The following ABCA13 variants were observed in gnomAD, a reference collection of about 807,000 sequenced individuals.
The protein encoded by ABCA13 is ATP-binding cassette sub-family A member 13.
A neutral mutation model predicts 478.7 loss-of-function variants in ABCA13; 476 were observed. The observed-to-expected ratio is 0.99, with a 90% confidence interval of 0.92 to 1.07. The LOEUF is 1.07. Ranked by LOEUF, ABCA13 falls within the 50% of genes least tolerant of loss-of-function variation. ABCA13 has a pLI of 0.00. For missense variants in ABCA13, 6,060 were observed against 5,910.6 expected (o/e 1.03, Z -0.83); for synonymous variants, 2,252 against 2,158.9 (o/e 1.04, Z -1.20).
chr7:48,483,173 T>TA lies in ABCA13; in HGVS notation c.13182+10_13182+11insA. On this transcript the variant is annotated intron_variant, in intron 47 of 61. Coordinates refer to ENST00000435803, the MANE Select transcript of ABCA13 (RefSeq NM_152701.5). ...CCCAACTCTGGCAAAGGTAATCATATTTTTTTATTTTTTTCCTGTTTTAGA... is the reference window on the plus strand; with the variant it reads ...CCCAACTCTGGCAAAGGTAATCATATATTTTTTATTTTTTTCCTGTTTTAGA... The TA allele has an allele frequency of 4.5e-6, 7 of 1,556,164 alleles. No homozygotes were observed. The South Asian group carries it at 6.8e-5, about 15-fold the overall frequency.
chr7:48,581,888 A>G (rs1277586178), intron 56 of ABCA13, among the ~76,000 whole-genome samples: 1 of 152,132 alleles, frequency 6.6e-6, no homozygotes, highest in Non-Finnish European at 1.5e-5. Context: ...TTTCTTTTCT[A>G]TATATTTTGG....
intron 35 of ABCA13, among the ~76,000 whole-genome samples, chr7:48,386,739 G>A (rs771298847): frequency 2.0e-5 from 3 of 152,160 alleles, no homozygotes; most frequent in Non-Finnish European, 4.4e-5. Context: ...ATTAATTCAA[G>A]ATGGATTAAA....
At chr7:48,289,359 ATTTTTTT>A (rs767935565) in intron 20 of ABCA13, among the ~76,000 whole-genome samples, 3 of 139,654 alleles carry the variant, frequency 2.1e-5, no homozygotes, top group Admixed American at 1.4e-4. Context: ...CCCACAGACA[ATTTTTTT>A]TTTTTTTTTT....
chr7:48,472,885 T>C (rs1827661475), intron 45 of ABCA13, among the ~76,000 whole-genome samples: 1 of 152,148 alleles, frequency 6.6e-6, no homozygotes, highest in Non-Finnish European at 1.5e-5. Context: ...CCCTTTTTAT[T>C]AATCCATTTT....
Position 48,278,854 on chromosome 7 carries a change from T to A in ABCA13, c.7660T>A (p.Phe2554Ile), listed in dbSNP as rs1338965967. 1.2e-6 allele frequency: 2 copies of A among 1,613,508 alleles called. No individual in the cohort carries two copies. The highest frequency in any genetic ancestry group is 2.7e-5 in the African/African-American group (2 of 74,924). Reference sequence around the variant, plus strand: ...CTCCAATACCAAGGACAGTGTGAAATTCTTTGACACTCTGTATTCCATCAT... The same window carrying A: ...CTCCAATACCAAGGACAGTGTGAAAATCTTTGACACTCTGTATTCCATCAT... The part of the protein sequence containing the change: ...FISNTKDSVK[F>I]FDTLYSIMQQ... The change falls in exon 18 of 62, where the codon TTC (phenylalanine) becomes ATC (isoleucine). Residue 2554 changes from phenylalanine to isoleucine, a missense_variant. By Grantham distance (21) the Phe-to-Ile change is conservative. Coordinates refer to ENST00000435803, the MANE Select transcript of ABCA13 (RefSeq NM_152701.5).
chr7:48,244,674 C>G lies in ABCA13; in HGVS notation c.1361C>G (p.Ala454Gly). ...CAGCTTGATGGAGCTCTCAGAAATG[C>G]GATAGCTCAGAATTTACATTTTGTC... The part of the protein sequence containing the change: ...FLQLDGALRN[A>G]IAQNLHFVQE... The change falls in exon 11 of 62, where the codon GCG becomes GGG. Residue 454 changes from alanine (A) to glycine (G), a missense_variant. Ala to Gly is a moderately conservative substitution (Grantham distance 60). Transcript: ENST00000435803. The G allele has an allele frequency of 6.2e-7, 1 of 1,606,896 alleles. No homozygotes were observed. The highest frequency in any genetic ancestry group is 1.1e-5 in the South Asian group (1 of 90,084).
At chr7:48,401,611 A>G (rs992552295) in intron 38 of ABCA13, among the ~76,000 whole-genome samples, 10 of 152,198 alleles carry the variant, frequency 6.6e-5, no homozygotes, top group Non-Finnish European at 8.8e-5. Context: ...ATATGCAACC[A>G]GCACCTATGA....
intron 23 of ABCA13, among the ~76,000 whole-genome samples, chr7:48,309,109 A>G (rs1432272332): frequency 1.3e-5 from 2 of 149,414 alleles, no homozygotes; most frequent in Non-Finnish European, 3.0e-5. Flanking sequence ...CTACTACACC[A>G]TTATTTATAT....
At chr7:48,425,107 G>C (rs965099326) in intron 41 of ABCA13, among the ~76,000 whole-genome samples, 7 of 152,114 alleles carry the variant, frequency 4.6e-5, no homozygotes, top group African/African-American at 1.7e-4. Context: ...TGATCTGTGA[G>C]ATTATTGAGG....
chr7:48,561,118 A>T (rs2131263460), intron 55 of ABCA13, among the ~76,000 whole-genome samples: 1 of 151,730 alleles, frequency 6.6e-6, no homozygotes, highest in East Asian at 1.9e-4. Context: ...TTTTTTCTTT[A>T]TTCATTTTCT....
intron 54 of ABCA13, among the ~76,000 whole-genome samples, chr7:48,527,847 A>G (rs985428781): frequency 6.6e-6 from 1 of 152,168 alleles, no homozygotes; most frequent in African/African-American, 2.4e-5. Context: ...ATACTTTAAA[A>G]TACACAAAAA....
intron 59 of ABCA13, among the ~76,000 whole-genome samples, chr7:48,628,968 C>G (rs1479552256): frequency 1.3e-5 from 2 of 152,128 alleles, no homozygotes; most frequent in African/African-American, 4.8e-5. Flanking sequence ...AATAACTGAC[C>G]CCTTTGATGG....
chr7:48,246,182 C>T (rs972988944), intron 13 of ABCA13, among the ~76,000 whole-genome samples, 152 bp downstream of exon 13: 2 of 152,182 alleles, frequency 1.3e-5, no homozygotes, highest in African/African-American at 4.8e-5. Context: ...CTCCAGCTGC[C>T]CTTCAATGCT....
rs35346221 is a variant in ABCA13, at chr7:48,420,731, CT to C, written c.12460-7020del. On this transcript the variant is annotated intron_variant, in intron 41 of 61. Coordinates refer to ENST00000435803, the MANE Select transcript of ABCA13 (RefSeq NM_152701.5). ...CTGGGCCTCAGATGTAGGGCTTGAT[CT>C]TTTTTTTTTTTTTTGACTTTTTTTT... Among the ~76,000 whole-genome samples, 1,115 of 137,406 alleles carry C rather than the reference CT, an allele frequency of 8.1e-3. 7 individuals are homozygous for C. Among genetic ancestry groups the C allele is most frequent in the South Asian group, 8.6e-3 (36 of 4,162 alleles). 90.1% of individuals were successfully genotyped at this position (137,406 alleles called of 152,430 possible).
At position 48,638,545 on chromosome 7, in the gene ABCA13, C is replaced by G. The variant is rs553325796; in HGVS notation, c.14838-4743C>G. ...TGTTGTTGTTGTTATTTGTCAAAGG[C>G]TCTCTTTATGTTAATACCTTGGGTC... On this transcript the variant is annotated intron_variant, in intron 59 of 61. Coordinates refer to ENST00000435803, the MANE Select transcript of ABCA13 (RefSeq NM_152701.5). Among the ~76,000 whole-genome samples, 3 of 152,282 alleles carry G rather than the reference C, an allele frequency of 2.0e-5. No homozygotes were observed. The East Asian group carries it at 5.8e-4, about 29-fold the overall frequency.
At chr7:48,558,707 G>C (rs1786126361) in intron 55 of ABCA13, among the ~76,000 whole-genome samples, 1 of 152,000 alleles carries the variant, frequency 6.6e-6, no homozygotes, top group East Asian at 1.9e-4. Context: ...ATGTTATCTT[G>C]AATTTCTTTG....
At chr7:48,292,163 C>G (rs1330238252) in intron 20 of ABCA13, among the ~76,000 whole-genome samples, 1 of 152,194 alleles carries the variant, frequency 6.6e-6, no homozygotes, top group Non-Finnish European at 1.5e-5. Context: ...ACTCAGATGT[C>G]AAGCAGGCCC....
Position 48,645,739 on chromosome 7 carries a change from T to G in ABCA13, c.*227T>G. On this transcript the variant is annotated 3_prime_UTR_variant, in exon 62 of 62. Transcript: ENST00000435803. ...TGGGGAGCTCCTCCAAAACATTTGTTCTCTTTACCATGCCAGATGGACACC... is the reference window on the plus strand; with the variant it reads ...TGGGGAGCTCCTCCAAAACATTTGTGCTCTTTACCATGCCAGATGGACACC... 2.1e-6 allele frequency: 1 copy of G among 470,486 alleles called. No individual in the cohort carries two copies. 29.1% of individuals were successfully genotyped at this position (470,486 alleles called of 1,614,324 possible).
intron 60 of ABCA13, among the ~76,000 whole-genome samples, chr7:48,643,956 A>G (rs970030168): frequency 6.6e-6 from 1 of 152,154 alleles, no homozygotes; most frequent in Non-Finnish European, 1.5e-5. Flanking sequence ...TGAACACTGA[A>G]GTTTGAGAAG....
Sources: allele counts gnomAD v4.1 joint callset (sites outside exome capture counted in the v4.1 genomes callset), GRCh38; gene constraint gnomAD v4.1.1; transcripts MANE v1.5; gene names NCBI Gene and HGNC (gene_info 2026-07-23, HGNC 2026-07-21).